Variants in PCDHA7 observed in about 807,000 individuals in gnomAD.
PCDHA7 encodes protocadherin alpha 7.
A neutral mutation model predicts 57.2 loss-of-function variants in PCDHA7; 37 were observed. The ratio of observed to expected loss-of-function variants is 0.65; its 90% CI spans 0.50 to 0.85. The LOEUF is 0.85. Among genes scored for constraint, PCDHA7 ranks in the 40% least tolerant of loss-of-function variants. The probability of loss-of-function intolerance (pLI) is 0.00; values close to 1 mark genes in which losing one functional copy is unlikely to be tolerated. For missense variants in PCDHA7, 1,188 were observed against 1,241.8 expected (o/e 0.96, Z 0.65); for synonymous variants, 553 against 558.8 (o/e 0.99, Z 0.15).
rs140175664 is a variant in PCDHA7, at chr5:140,837,632, C to CCTTT, written c.2355+910_2355+913dup. Among the ~76,000 whole-genome samples, 52 of 151,222 alleles carry CCTTT rather than the reference C, an allele frequency of 3.4e-4. 1 individual carries two copies. Among genetic ancestry groups the CCTTT allele is most frequent in the Middle Eastern group, 6.8e-3 (2 of 294 alleles). On this transcript the variant is annotated intron_variant, in intron 1 of 3. Transcript: ENST00000525929. ...TAATTTGCCCCTTCCTTCCTTCCTT[C>CCTTT]CTTTCTTTCTTTCTTTCTTCCTTTT...
chr5:140,862,807 C>T (rs782675641), intron 1 of PCDHA7: 1 of 572,850 alleles, frequency 1.7e-6, no homozygotes, highest in East Asian at 4.7e-5. Context: ...GGAGCTGCTG[C>T]AGTTCTAGGT....
intron 1 of PCDHA7, chr5:140,849,713 G>T (rs2150446260): frequency 1.9e-6 from 3 of 1,598,578 alleles, no homozygotes; most frequent in Non-Finnish European, 2.6e-6. Context: ...ATTACTACTC[G>T]TTGGTGCTGG....
chr5:140,902,622 A>C (rs1328816868), intron 1 of PCDHA7, among the ~76,000 whole-genome samples: 2 of 152,068 alleles, frequency 1.3e-5, no homozygotes, highest in Non-Finnish European at 2.9e-5. Flanking sequence ...TGGGTAAGTT[A>C]TTTAGTGGTG....
intron 1 of PCDHA7, chr5:140,883,589 G>C (rs782300348): frequency 6.2e-7 from 1 of 1,614,014 alleles, no homozygotes; most frequent in Non-Finnish European, 8.5e-7. Context: ...CACGGCCAGC[G>C]TGTCGGTGGG....
intron 1 of PCDHA7, among the ~76,000 whole-genome samples, chr5:140,910,110 G>A (rs964418352): frequency 6.6e-6 from 1 of 152,194 alleles, no homozygotes; most frequent in South Asian, 2.1e-4. Flanking sequence ...TCATTTAAGG[G>A]ATTCTAGGTC....
At position 140,850,219 on chromosome 5, in the gene PCDHA7, G is replaced by A. The variant is rs201367294; in HGVS notation, c.2355+13481G>A. On this transcript the variant is annotated intron_variant, in intron 1 of 3. Coordinates refer to ENST00000525929, the MANE Select transcript of PCDHA7 (RefSeq NM_018910.3). ...ACACCTCGGATGAGGGGCACTGACG[G>A]CGCAGTGAGCGAGATGGTGCTGCGG... 1.1e-5 allele frequency: 17 copies of A among 1,593,552 alleles called. 1 individual carries two copies. The highest frequency in any genetic ancestry group is 1.3e-5 in the African/African-American group (1 of 74,312).
chr5:140,969,166 C>T lies in PCDHA7; in HGVS notation c.2356-9783C>T, dbSNP rs1554231524. ...GCTACAAGGCCTGTCTGACAGCAGG[C>T]TCAGGGAGTGACACTTTCATGTTTT... On this transcript the variant is annotated intron_variant, in intron 1 of 3. Transcript: ENST00000525929. 2.5e-6 allele frequency: 4 copies of T among 1,614,092 alleles called. No homozygotes were observed. In the South Asian group the frequency reaches 4.4e-5, roughly 18 times the overall value.
At chr5:140,882,960 C>G in intron 1 of PCDHA7, 11 of 1,614,166 alleles carry the variant, frequency 6.8e-6, no homozygotes, top group Non-Finnish European at 5.9e-6. Flanking sequence ...CTGCTCATCA[C>G]GATTCTGGAC....
intron 1 of PCDHA7, among the ~76,000 whole-genome samples, chr5:140,977,005 A>C (rs982594376): frequency 3.3e-5 from 5 of 152,156 alleles, no homozygotes; most frequent in Non-Finnish European, 5.9e-5. Flanking sequence ...AAATCTTGTA[A>C]CTGTGATTCT....
intron 1 of PCDHA7, among the ~76,000 whole-genome samples, chr5:140,970,958 C>T (rs1554232904): frequency 6.6e-6 from 1 of 152,106 alleles, no homozygotes; most frequent in Non-Finnish European, 1.5e-5. Context: ...CCATGGGAGG[C>T]AGATTGTAGA....
At chr5:140,976,718 C>A (rs2096728735) in intron 1 of PCDHA7, among the ~76,000 whole-genome samples, 1 of 152,096 alleles carries the variant, frequency 6.6e-6, no homozygotes, top group South Asian at 2.1e-4. Context: ...CATTATAGTT[C>A]ATTTATTTAA....
At chr5:140,919,945 A>G (rs1456572905) in intron 1 of PCDHA7, among the ~76,000 whole-genome samples, 1 of 151,572 alleles carries the variant, frequency 6.6e-6, no homozygotes, top group Non-Finnish European at 1.5e-5. Flanking sequence ...ATTCCAGTGA[A>G]AAGTTTGTTT....
intron 1 of PCDHA7, chr5:140,969,257 AATC>A (rs782398697): frequency 1.2e-6 from 2 of 1,614,102 alleles, no homozygotes; most frequent in African/African-American, 2.7e-5. Context: ...TGACAGCAGG[AATC>A]TCACAGGCCA....
intron 1 of PCDHA7, among the ~76,000 whole-genome samples, chr5:140,903,945 C>G (rs191892568): frequency 2.6e-5 from 4 of 152,162 alleles, no homozygotes; most frequent in Non-Finnish European, 5.9e-5. Context: ...CTCTTAAATA[C>G]TGGAAAATTA....
chr5:140,930,394 T>C (rs531643898), intron 1 of PCDHA7: 1 of 145,356 alleles, frequency 6.9e-6, no homozygotes, highest in South Asian at 2.2e-4. Flanking sequence ...TCAAAACTTC[T>C]TTTTTTTTTT....
chr5:140,945,526 A>T (rs1466059696), intron 1 of PCDHA7, among the ~76,000 whole-genome samples: 2 of 152,130 alleles, frequency 1.3e-5, no homozygotes, highest in African/African-American at 4.8e-5. Context: ...AATAAATAAA[A>T]CAAAACATAC....
intron 1 of PCDHA7, chr5:140,966,319 G>T: frequency 2.6e-6 from 1 of 388,824 alleles, no homozygotes; most frequent in Admixed American, 4.5e-5. Context: ...CCTGCGGTCC[G>T]CTGGGATCCG....
At chr5:140,992,486 A>G (rs2097515048) in intron 3 of PCDHA7, among the ~76,000 whole-genome samples, 1 of 152,182 alleles carries the variant, frequency 6.6e-6, no homozygotes, top group Non-Finnish European at 1.5e-5. Flanking sequence ...CCAGAGGCCA[A>G]TCTGTAAGGA....
chr5:140,882,656 C>G, intron 1 of PCDHA7: 2 of 1,614,192 alleles, frequency 1.2e-6, no homozygotes, highest in Middle Eastern at 1.6e-4. Flanking sequence ...TAACGACAAC[C>G]CGCCCATATT....
Sources: allele counts gnomAD v4.1 joint callset (sites outside exome capture counted in the v4.1 genomes callset), GRCh38; gene constraint gnomAD v4.1.1; transcripts MANE v1.5; gene names NCBI Gene and HGNC (gene_info 2026-07-23, HGNC 2026-07-21).